ADGRG6: variants seen among roughly 807,000 people sequenced by gnomAD.
The protein encoded by ADGRG6 is G-protein coupled receptor 126.
In ADGRG6, 84 loss-of-function variants were observed where a neutral mutation model predicts 142.4. The ratio of observed to expected loss-of-function variants is 0.59; its 90% CI spans 0.49 to 0.71. The LOEUF (loss-of-function observed/expected upper bound fraction) is 0.71. Ranked by LOEUF, ADGRG6 falls within the 30% of genes least tolerant of loss-of-function variation. The pLI is 0.00. For missense variants in ADGRG6, 1,367 were observed against 1,466.6 expected (o/e 0.93, Z 1.11); for synonymous variants, 521 against 520.5 (o/e 1.00, Z -0.01).
chr6:142,405,300 A>G (rs1424304042), intron 14 of ADGRG6: 2 of 455,632 alleles, frequency 4.4e-6, no homozygotes, highest in East Asian at 1.4e-4. Flanking sequence ...AGTTAACTTC[A>G]GTCTCTTTCT....
intron 2 of ADGRG6, among the ~76,000 whole-genome samples, chr6:142,335,390 G>C (rs73578347): frequency 0.015 from 2,220 of 152,194 alleles, 47 homozygotes; most frequent in African/African-American, 0.05. Context: ...GAAAATCGAA[G>C]GCCAGAATAT....
intron 2 of ADGRG6, among the ~76,000 whole-genome samples, chr6:142,341,577 A>G (rs1779646419): frequency 8.1e-6 from 1 of 122,952 alleles, no homozygotes; most frequent in South Asian, 2.2e-4. Flanking sequence ...AATATTATGT[A>G]GTATATATAA....
intron 22 of ADGRG6, among the ~76,000 whole-genome samples, chr6:142,420,684 A>G (rs1456132409): frequency 3.3e-5 from 5 of 152,148 alleles, no homozygotes; most frequent in African/African-American, 1.2e-4. Flanking sequence ...TTCAACAAAC[A>G]TTTGTCAATG....
intron 6 of ADGRG6, among the ~76,000 whole-genome samples, chr6:142,384,278 T>A (rs924166517): frequency 6.6e-6 from 1 of 152,156 alleles, no homozygotes; most frequent in Non-Finnish European, 1.5e-5. Flanking sequence ...AAGTGAACTT[T>A]ATGGTCATAT....
chr6:142,377,535 T>A (rs974530966), intron 4 of ADGRG6, among the ~76,000 whole-genome samples: 2 of 152,248 alleles, frequency 1.3e-5, no homozygotes, highest in South Asian at 2.1e-4. Context: ...CCTTTTTATC[T>A]GCCTAGACAT....
chr6:142,389,780 A>G (rs574932672), intron 6 of ADGRG6, among the ~76,000 whole-genome samples: 1 of 151,950 alleles, frequency 6.6e-6, no homozygotes, highest in South Asian at 2.1e-4. Flanking sequence ...GGAAAAGGAG[A>G]GGAATTAGGG....
chr6:142,445,889 G>A lies in ADGRG6; in HGVS notation c.*2374G>A, dbSNP rs1425097896. ...TACATTGTGTTAGAGTCATAGTCTA[G>A]GATCCTGAGAGATTTTCCATTCTTG... On this transcript the variant is annotated 3_prime_UTR_variant, in exon 25 of 25. Transcript: ENST00000367609. The A allele has an allele frequency of 1.3e-5, 2 of 152,056 alleles. No individual in the cohort carries two copies. The highest frequency in any genetic ancestry group is 4.8e-5 in the African/African-American group (2 of 41,400). 9.4% of individuals were successfully genotyped at this position (152,056 alleles called of 1,614,324 possible). A position where few individuals can be genotyped will look rare whatever the true frequency, so the allele number is the denominator to read the frequency against.
chr6:142,382,992 T>A (rs1781841116), intron 5 of ADGRG6, among the ~76,000 whole-genome samples: 1 of 147,176 alleles, frequency 6.8e-6, no homozygotes, highest in African/African-American at 2.5e-5. Context: ...GAAAATTAAG[T>A]CATCAAGTAG....
At position 142,367,697 on chromosome 6, in the gene ADGRG6, A is replaced by C; in HGVS notation, c.232A>C (p.Ile78Leu). The change falls in exon 3 of 25, where the codon ATC becomes CTC. Residue 78 changes from isoleucine (I) to leucine (L), a missense_variant. Ile to Leu is a conservative substitution (Grantham distance 5). This residue lies in a region of ADGRG6 where 737 missense variants were observed against 746.5 expected (regional missense o/e 0.99). Transcript: ENST00000367609. ...GACGCTCCGAGCCCCCACCGGTTAT[A>C]TCATTCAGATAACATTTAACGACTT... ...MWTLRAPTGY[I>L]IQITFNDFDI... 6.2e-7 allele frequency: 1 copy of C among 1,613,874 alleles called. No individual in the cohort carries two copies. The highest frequency in any genetic ancestry group is 8.5e-7 in the Non-Finnish European group (1 of 1,179,810).
intron 2 of ADGRG6, among the ~76,000 whole-genome samples, chr6:142,342,567 C>T (rs1235334587): frequency 6.6e-6 from 1 of 152,034 alleles, no homozygotes; most frequent in African/African-American, 2.4e-5. Context: ...TAGAAGTTTT[C>T]ATAGTTAACT....
intron 11 of ADGRG6, 184 bp downstream of exon 11, chr6:142,400,780 A>C (rs1775477707): frequency 1.9e-6 from 1 of 520,302 alleles, no homozygotes; most frequent in Admixed American, 3.2e-5. Context: ...TCAGAAAGGC[A>C]GTGTTTTCCT....
rs1416417578 is a variant in ADGRG6 at position 142,331,650 on chromosome 6, G to A, written c.103+22006G>A. 3.3e-5 allele frequency among the ~76,000 whole-genome samples: 5 copies of A among 152,006 alleles called. No individual in the cohort carries two copies. The South Asian group carries it at 1.0e-3, about 32-fold the overall frequency. Reference sequence around the variant, plus strand: ...GATCTAGATTGTTACTTTTTTAAAAGCAAAAATATTGATTACTGTTGGCAG... The same window carrying A: ...GATCTAGATTGTTACTTTTTTAAAAACAAAAATATTGATTACTGTTGGCAG... On this transcript the variant is annotated intron_variant, in intron 2 of 24. Coordinates refer to ENST00000367609, the MANE Select transcript of ADGRG6 (RefSeq NM_198569.3).
intron 9 of ADGRG6, among the ~76,000 whole-genome samples, chr6:142,395,328 A>T (rs1041733336): frequency 6.6e-6 from 1 of 152,112 alleles, no homozygotes; most frequent in Non-Finnish European, 1.5e-5. Context: ...CTGTTAGGTC[A>T]TATTGCATCT....
At chr6:142,383,349 T>C (rs1350490994) in intron 5 of ADGRG6, among the ~76,000 whole-genome samples, 3 of 152,204 alleles carry the variant, frequency 2.0e-5, no homozygotes, top group African/African-American at 7.2e-5. Flanking sequence ...GCAAACTTAG[T>C]TTAGATAACT....
chr6:142,404,369 G>A (rs577392791), intron 14 of ADGRG6: 41 of 195,640 alleles, frequency 2.1e-4, no homozygotes, highest in Admixed American at 4.3e-4. Flanking sequence ...GGCTGGGCGC[G>A]GTCTCTCAAG....
chr6:142,393,934 A>G lies in ADGRG6; in HGVS notation c.1400A>G (p.Lys467Arg). Residue 467 changes from lysine (K) to arginine (R), a missense_variant, in exon 9 of 25, where the codon AAG becomes AGG. By Grantham distance (26) the Lys-to-Arg change is conservative. Transcript: ENST00000367609. ...GCTGGAGAGGACAAGATTAAAGTCA[A>G]GAGAAGCCTTGAGGATGAGCCAAGG... is the stretch of plus-strand genomic sequence containing the variant. ...LSAGEDKIKVKRSLEDEPRLV... is the reference protein window; with the variant it reads ...LSAGEDKIKVRRSLEDEPRLV... 6.4e-7 allele frequency: 1 copy of G among 1,563,366 alleles called. No individual in the cohort carries two copies. Among genetic ancestry groups the G allele is most frequent in the Non-Finnish European group, 8.7e-7 (1 of 1,151,270 alleles).
At chr6:142,351,492 G>T (rs1471830720) in intron 2 of ADGRG6, among the ~76,000 whole-genome samples, 1 of 152,122 alleles carries the variant, frequency 6.6e-6, no homozygotes, top group African/African-American at 2.4e-5. Flanking sequence ...GGGATAACTG[G>T]CTGGCCATAT....
At chr6:142,330,840 T>C (rs1779019950) in intron 2 of ADGRG6, among the ~76,000 whole-genome samples, 2 of 152,090 alleles carry the variant, frequency 1.3e-5, no homozygotes, top group South Asian at 2.1e-4. Flanking sequence ...CCTTGAAAAA[T>C]TGATTTTCAA....
intron 7 of ADGRG6, among the ~76,000 whole-genome samples, chr6:142,391,435 ACAC>A (rs1418386888): frequency 6.8e-5 from 2 of 29,348 alleles, no homozygotes; most frequent in Admixed American, 6.9e-4. Flanking sequence ...AGTGGTAGCT[ACAC>A]ACACACACAC....
Sources: gnomAD v4.1 joint callset for allele counts (sites outside exome capture counted in the v4.1 genomes callset) on GRCh38, gnomAD v4.1.1 for gene constraint, gnomAD v4.1.1 regional missense constraint, MANE v1.5 for transcripts, NCBI Gene and HGNC (gene_info 2026-07-23, HGNC 2026-07-21) for gene names.